CADM2: variants seen among roughly 807,000 people sequenced by gnomAD.
CADM2 encodes the protein immunoglobulin superfamily member 4D.
In CADM2, 12 loss-of-function variants were observed where a neutral mutation model predicts 49.8. The ratio of observed to expected loss-of-function variants is 0.24; its 90% CI spans 0.15 to 0.39. The LOEUF is 0.39. CADM2 is among the 10% of genes least tolerant of loss of function. The probability of loss-of-function intolerance (pLI) is 1.00; values close to 1 mark genes in which losing one functional copy is unlikely to be tolerated. For missense variants in CADM2, 378 were observed against 492.3 expected (o/e 0.77, Z 2.20); for synonymous variants, 214 against 175.4 (o/e 1.22, Z -1.74).
intron 3 of CADM2, among the ~76,000 whole-genome samples, chr3:85,807,319 C>T (rs183972615): frequency 1.9e-3 from 286 of 151,840 alleles, no homozygotes; most frequent in African/African-American, 6.1e-3. Flanking sequence ...GCCAACGTGA[C>T]GAAAAACCAT....
At chr3:85,270,557 G>T (rs1335766963) in intron 1 of CADM2, among the ~76,000 whole-genome samples, 2 of 150,960 alleles carry the variant, frequency 1.3e-5, no homozygotes, top group African/African-American at 4.9e-5. Context: ...ATGCTATCTT[G>T]CCCTGTGTTC....
intron 1 of CADM2, among the ~76,000 whole-genome samples, chr3:85,538,630 T>C (rs1179789688): frequency 6.6e-6 from 1 of 152,252 alleles, no homozygotes; most frequent in Non-Finnish European, 1.5e-5. Flanking sequence ...TGACAGACAC[T>C]ATGTTGTATA....
At chr3:85,625,460 C>T (rs1329312103) in intron 1 of CADM2, among the ~76,000 whole-genome samples, 1 of 151,944 alleles carries the variant, frequency 6.6e-6, no homozygotes, top group Non-Finnish European at 1.5e-5. Context: ...GTCACCTTTA[C>T]AATAAATAGT....
At chr3:86,017,483 C>A (rs1434362073) in intron 8 of CADM2, among the ~76,000 whole-genome samples, 1 of 151,912 alleles carries the variant, frequency 6.6e-6, no homozygotes, top group Admixed American at 6.6e-5. Context: ...TGTAATCCAG[C>A]ATTTTGGGAG....
chr3:85,595,200 G>T (rs1211891588), intron 1 of CADM2, among the ~76,000 whole-genome samples: 1 of 152,004 alleles, frequency 6.6e-6, no homozygotes, highest in Non-Finnish European at 1.5e-5. Context: ...AGCACCAGTA[G>T]TTACAGATGA....
At chr3:85,276,921 G>A (rs895555252) in intron 1 of CADM2, among the ~76,000 whole-genome samples, 2 of 151,144 alleles carry the variant, frequency 1.3e-5, no homozygotes, top group Non-Finnish European at 3.0e-5. Context: ...GTGAATATCT[G>A]ACTTAAAATT....
At chr3:85,059,723 T>C (rs947998629) in intron 1 of CADM2, among the ~76,000 whole-genome samples, 2 of 152,162 alleles carry the variant, frequency 1.3e-5, no homozygotes, top group African/African-American at 4.8e-5. Context: ...AGGTCTCTTC[T>C]CTCATCTGCC....
At chr3:85,559,672 AC>A (rs2062043519) in intron 1 of CADM2, among the ~76,000 whole-genome samples, 8 of 93,776 alleles carry the variant, frequency 8.5e-5, no homozygotes, top group South Asian at 3.0e-4. Context: ...ACACACACAC[AC>A]ACACACACAC....
At chr3:85,256,975 A>G (rs1371865820) in intron 1 of CADM2, among the ~76,000 whole-genome samples, 3 of 152,150 alleles carry the variant, frequency 2.0e-5, no homozygotes, top group South Asian at 2.1e-4. Flanking sequence ...GTTTCATCAT[A>G]TGCTAGGCAT....
Position 85,490,522 on chromosome 3 carries a change from T to C in CADM2, c.62-236000T>C, listed in dbSNP as rs902132591. Among the ~76,000 whole-genome samples the C allele has an allele frequency of 3.9e-5, 6 of 152,138 alleles. 1 individual carries two copies. The highest frequency in any genetic ancestry group is 3.9e-4 in the Admixed American group (6 of 15,270). ...TTGCTTAAGTCCATGAGCTTGAGGC[T>C]GCAGTAAGCTATGATTATGCCACTG... On this transcript the variant is annotated intron_variant, in intron 1 of 9. Coordinates refer to ENST00000383699, the MANE Select transcript of CADM2 (RefSeq NM_001167675.2).
At chr3:85,820,902 T>C (rs1024103531) in intron 3 of CADM2, among the ~76,000 whole-genome samples, 1 of 152,156 alleles carries the variant, frequency 6.6e-6, no homozygotes. Context: ...ATTTAAATAC[T>C]CTTTTTATTT....
chr3:85,725,899 T>C (rs189108559), intron 1 of CADM2, among the ~76,000 whole-genome samples: 38 of 152,182 alleles, frequency 2.5e-4, no homozygotes, highest in Admixed American at 2.3e-3. Context: ...GGTAATATTT[T>C]ACAGCACAGA....
In CADM2 at chr3:85,821,728, T is replaced by C. The variant is rs1334799130; in HGVS notation, c.238+19532T>C. 2.6e-5 allele frequency among the ~76,000 whole-genome samples: 4 copies of C among 152,260 alleles called. No individual in the cohort carries two copies. The East Asian group carries it at 7.7e-4, about 29-fold the overall frequency. On this transcript the variant is annotated intron_variant, in intron 3 of 9. Coordinates refer to ENST00000383699, the MANE Select transcript of CADM2 (RefSeq NM_001167675.2). ...TTATTCATGGAACTTTGTCAGTACT[T>C]CTCAAATCATTTTTGAGGGCCATTT...
chr3:85,573,437 C>T (rs1029245411), intron 1 of CADM2, among the ~76,000 whole-genome samples: 2 of 152,054 alleles, frequency 1.3e-5, no homozygotes, highest in Admixed American at 6.6e-5. Context: ...GGTGACCCAC[C>T]GCCTTGACCT....
Position 85,381,735 on chromosome 3 carries a change from T to C in CADM2, c.62-344787T>C, listed in dbSNP as rs1265258806. Among the ~76,000 whole-genome samples the C allele has an allele frequency of 2.6e-5, 4 of 152,070 alleles. No individual in the cohort carries two copies. In the East Asian group the frequency reaches 7.7e-4, roughly 29 times the overall value. On this transcript the variant is annotated intron_variant, in intron 1 of 9. Coordinates refer to ENST00000383699, the MANE Select transcript of CADM2 (RefSeq NM_001167675.2). ...GAGCTCCTCAGTTTCAGCTGTCATCTTAACTTTCACCAGCCTGAGCAGGGC... is the reference window on the plus strand; with the variant it reads ...GAGCTCCTCAGTTTCAGCTGTCATCCTAACTTTCACCAGCCTGAGCAGGGC...
At chr3:85,878,864 G>A (rs1003001736) in intron 3 of CADM2, among the ~76,000 whole-genome samples, 15 of 152,028 alleles carry the variant, frequency 9.9e-5, no homozygotes, top group African/African-American at 3.1e-4. Context: ...CTCTGTCTGT[G>A]TCAGTGGAAC....
At chr3:84,988,124 A>G (rs1449216584) in intron 1 of CADM2, among the ~76,000 whole-genome samples, 2 of 152,190 alleles carry the variant, frequency 1.3e-5, no homozygotes, top group East Asian at 3.9e-4. Context: ...AGCCAGAGCC[A>G]GATTGGATGC....
intron 2 of CADM2, among the ~76,000 whole-genome samples, chr3:85,754,858 AT>A (rs1172927222): frequency 2.6e-5 from 4 of 152,204 alleles, no homozygotes; most frequent in African/African-American, 9.6e-5. Context: ...GAGTATTGAC[AT>A]TTTTTTAAAA....
At chr3:84,967,053 A>G (rs1336033494) in intron 1 of CADM2, among the ~76,000 whole-genome samples, 3 of 152,068 alleles carry the variant, frequency 2.0e-5, no homozygotes, top group Non-Finnish European at 4.4e-5. Context: ...ATATTTTATG[A>G]TGGTTAATTT....
Sources: allele counts gnomAD v4.1 joint callset (sites outside exome capture counted in the v4.1 genomes callset), GRCh38; gene constraint gnomAD v4.1.1; transcripts MANE v1.5; gene names NCBI Gene and HGNC (gene_info 2026-07-23, HGNC 2026-07-21).